MORC1: variants seen among roughly 807,000 people sequenced by gnomAD.
MORC1 encodes the protein MORC family CW-type zinc finger protein 1.
In MORC1, 59 loss-of-function variants were observed where a neutral mutation model predicts 134.9. The observed-to-expected ratio is 0.44, with a 90% confidence interval of 0.35 to 0.54. The LOEUF (loss-of-function observed/expected upper bound fraction) is 0.54. MORC1 is among the 20% of genes least tolerant of loss of function. The pLI is 0.00. For synonymous variants in MORC1, 395 were observed against 391.7 expected, an observed-to-expected ratio of 1.01 and a Z score of -0.10; for missense variants, 947 against 1,134.5, an observed-to-expected ratio of 0.83 and a Z score of 2.37.
Position 108,970,285 on chromosome 3 carries a change from T to C in MORC1, c.2551-563A>G, listed in dbSNP as rs960055936. On this transcript the variant is annotated intron_variant, in intron 25 of 27. Transcript: ENST00000232603. ...GGGAGGAAAGCAAAAAAAATAAAAATAAAAATAAATAAAAAATAAAATGGG... is the reference window on the plus strand; with the variant it reads ...GGGAGGAAAGCAAAAAAAATAAAAACAAAAATAAATAAAAAATAAAATGGG... Among the ~76,000 whole-genome samples, 84 of 151,364 alleles carry C rather than the reference T, an allele frequency of 5.5e-4. 6 individuals carry two copies. The highest frequency in any genetic ancestry group is 2.9e-5 in the Non-Finnish European group (2 of 67,830).
intron 8 of MORC1, among the ~76,000 whole-genome samples, chr3:109,081,950 C>T (rs1000580673): frequency 6.6e-6 from 1 of 152,118 alleles, no homozygotes; most frequent in African/African-American, 2.4e-5. Context: ...TCACAAGTGT[C>T]TGGAGGGAGA....
chr3:108,991,141 T>G (rs887135698), intron 21 of MORC1, among the ~76,000 whole-genome samples: 2 of 152,214 alleles, frequency 1.3e-5, no homozygotes, highest in Non-Finnish European at 2.9e-5. Context: ...GCAAAGTCAC[T>G]GAGTTTTGTT....
At chr3:109,005,373 C>A in intron 18 of MORC1, 58 bp from the exon 19 acceptor site, 1 of 1,445,190 alleles carries the variant, frequency 6.9e-7, no homozygotes. Context: ...TATAATTAAT[C>A]ACCACTTCTC....
chr3:109,094,878 C>A, intron 7 of MORC1, 31 bp downstream of exon 7: 1 of 1,526,268 alleles, frequency 6.6e-7, no homozygotes, highest in African/African-American at 1.4e-5. Context: ...CAAATACTTC[C>A]ATCAAATTGT....
At chr3:109,028,880 A>G (rs1949161557) in intron 16 of MORC1, among the ~76,000 whole-genome samples, 1 of 152,038 alleles carries the variant, frequency 6.6e-6, no homozygotes, top group Admixed American at 6.6e-5. Context: ...CTTCGAGCCC[A>G]CTCTAGGTCA....
intron 27 of MORC1, among the ~76,000 whole-genome samples, chr3:108,960,367 T>C (rs1221615133): frequency 6.6e-6 from 1 of 152,190 alleles, no homozygotes. Flanking sequence ...ATGGAGATTT[T>C]AGACAAATGG....
intron 4 of MORC1, among the ~76,000 whole-genome samples, chr3:109,102,125 A>G (rs988466153): frequency 6.6e-6 from 1 of 152,204 alleles, no homozygotes; most frequent in Admixed American, 6.5e-5. Context: ...GGGTAATGCG[A>G]TAGAGAATTA....
At chr3:109,071,832 T>C (rs1158605414) in intron 8 of MORC1, among the ~76,000 whole-genome samples, 2 of 152,134 alleles carry the variant, frequency 1.3e-5, no homozygotes, top group African/African-American at 2.4e-5. Context: ...ATATAAGCCA[T>C]ATGGTTTGCA....
At chr3:109,104,573 C>T (rs1040527901) in intron 3 of MORC1, among the ~76,000 whole-genome samples, 3 of 152,044 alleles carry the variant, frequency 2.0e-5, no homozygotes, top group Admixed American at 6.6e-5. Flanking sequence ...TGCCTATAAT[C>T]GCAGAACTTT....
rs753835241 is a variant in MORC1, at chr3:108,979,620, A to G, written c.2372T>C (p.Ile791Thr). 2.5e-6 allele frequency: 4 copies of G among 1,614,200 alleles called. No homozygotes were observed. Among genetic ancestry groups the G allele is most frequent in the Non-Finnish European group, 8.5e-7 (1 of 1,180,014 alleles). Reference protein sequence around the residue: ...MEDVNLSSGHIARVSVSGSCK... With the variant: ...MEDVNLSSGHTARVSVSGSCK... ...ACTGCCACTCACAGAAACTCTGGCT[A>G]TGTGTCCAGAACTTAGATTCACATC... is the stretch of plus-strand genomic sequence containing the variant. Residue 791 changes from isoleucine (I) to threonine (T), a missense_variant, in exon 24 of 28, where the codon ATA (isoleucine) becomes ACA (threonine). Transcript: ENST00000232603.
chr3:109,000,296 T>C (rs1198324083), intron 21 of MORC1, among the ~76,000 whole-genome samples: 1 of 152,180 alleles, frequency 6.6e-6, no homozygotes, highest in Non-Finnish European at 1.5e-5. Flanking sequence ...TATTTACATA[T>C]ATATTAAGGC....
chr3:109,104,053 T>A, intron 3 of MORC1, 136 bp from the exon 4 acceptor site: 1 of 741,498 alleles, frequency 1.3e-6, no homozygotes, highest in Non-Finnish European at 2.3e-6. Flanking sequence ...AGATGGAGCC[T>A]AGAGTGGAGT....
chr3:109,038,078 A>G (rs1334977683), intron 14 of MORC1, among the ~76,000 whole-genome samples: 1 of 152,062 alleles, frequency 6.6e-6, no homozygotes, highest in Admixed American at 6.6e-5. Flanking sequence ...AAGCATTCCT[A>G]TTTCTCCACA....
At chr3:109,025,113 T>C (rs143019857) in intron 17 of MORC1, among the ~76,000 whole-genome samples, 1 of 152,266 alleles carries the variant, frequency 6.6e-6, no homozygotes, top group Non-Finnish European at 1.5e-5. Flanking sequence ...ATATGGGAGT[T>C]GCATCATTGT....
At chr3:109,098,448 TC>T (rs1388426769) in intron 6 of MORC1, among the ~76,000 whole-genome samples, 6 of 152,154 alleles carry the variant, frequency 3.9e-5, no homozygotes, top group African/African-American at 1.4e-4. Context: ...TGCAGACTGC[TC>T]CTGTCACCCA....
intron 20 of MORC1, 117 bp downstream of exon 20, chr3:109,004,700 T>G (rs1237401127): frequency 4.2e-6 from 4 of 946,588 alleles, no homozygotes; most frequent in Non-Finnish European, 4.8e-6. Context: ...GGTAACAATA[T>G]GTATGATTTA....
At chr3:108,994,816 T>A (rs187078022) in intron 21 of MORC1, among the ~76,000 whole-genome samples, 3 of 152,250 alleles carry the variant, frequency 2.0e-5, no homozygotes, top group Admixed American at 1.3e-4. Flanking sequence ...TTCAAATTGA[T>A]CATTTGCTTT....
At chr3:108,984,848 T>A in intron 22 of MORC1, 66 bp from the exon 23 acceptor site, 2 of 1,308,150 alleles carry the variant, frequency 1.5e-6, no homozygotes, top group Non-Finnish European at 2.1e-6. Context: ...CCAAAAGAAA[T>A]GTTAGCAGTT....
chr3:109,048,765 C>T (rs1198839315), intron 14 of MORC1, among the ~76,000 whole-genome samples: 2 of 151,956 alleles, frequency 1.3e-5, no homozygotes, highest in African/African-American at 4.8e-5. Flanking sequence ...CCTGGTATGT[C>T]TCTTTGTGTA....
Sources: gnomAD v4.1 joint callset for allele counts (sites outside exome capture counted in the v4.1 genomes callset) on GRCh38, gnomAD v4.1.1 for gene constraint, MANE v1.5 for transcripts, NCBI Gene and HGNC (gene_info 2026-07-23, HGNC 2026-07-21) for gene names.